The following ERLIN2 variants were observed in gnomAD, a reference collection of about 807,000 sequenced individuals.
ERLIN2 encodes ER lipid raft associated 2, also known as erlin-2.
A neutral mutation model predicts 41.5 loss-of-function variants in ERLIN2; 22 were observed. That is an observed-to-expected ratio of 0.53 (90% CI 0.38 to 0.76). ERLIN2 has a LOEUF of 0.76. Ranked by LOEUF, ERLIN2 falls within the 30% of genes least tolerant of loss-of-function variation. The pLI is 0.00. For synonymous variants in ERLIN2, 149 were observed against 150.9 expected, an observed-to-expected ratio of 0.99 and a Z score of 0.09; for missense variants, 247 against 414.3, an observed-to-expected ratio of 0.60 and a Z score of 3.51.
Position 37,744,671 on chromosome 8 carries a change from T to G in ERLIN2, c.399T>G (p.Leu133=), listed in dbSNP as rs1802975905. Reference sequence around the variant, plus strand: ...ACCAGTTCTGCAGTGTGCACACGCTTCAAGAGGTCTACATTGAGCTGTTTG... The same window carrying G: ...ACCAGTTCTGCAGTGTGCACACGCTGCAAGAGGTCTACATTGAGCTGTTTG... ...ELNQFCSVHT[L]QEVYIELFDQ... is the part of the protein sequence containing the mutation. Residue 133 remains leucine, a synonymous_variant, in exon 6 of 12, where the codon CTT becomes CTG. Coordinates refer to ENST00000519638, the MANE Select transcript of ERLIN2 (RefSeq NM_007175.8). The G allele has an allele frequency of 2.5e-6, 4 of 1,614,148 alleles. No homozygotes were observed. Among genetic ancestry groups the G allele is most frequent in the Non-Finnish European group, 3.4e-6 (4 of 1,180,014 alleles).
chr8:37,750,873 G>A (rs1045090109), intron 9 of ERLIN2, among the ~76,000 whole-genome samples: 6 of 151,840 alleles, frequency 4.0e-5, no homozygotes, highest in African/African-American at 9.7e-5. Flanking sequence ...AGCGGGTGCC[G>A]GCACGCCTGG....
rs771771399 is a variant in ERLIN2, at chr8:37,750,393, A to G, written c.558-2A>G. Reference sequence around the variant, plus strand: ...TGCCTCACGGCTTTTTCTTCTCTTCAGGGAAAGTGAGAAGACAAAGCTTCT... The same window carrying G: ...TGCCTCACGGCTTTTTCTTCTCTTCGGGGAAAGTGAGAAGACAAAGCTTCT... On this transcript the variant is annotated splice_acceptor_variant, in intron 8 of 11. Coordinates refer to ENST00000519638, the MANE Select transcript of ERLIN2 (RefSeq NM_007175.8). LOFTEE classifies it high-confidence loss of function. 6.2e-7 allele frequency: 1 copy of G among 1,611,856 alleles called. No individual in the cohort carries two copies. The highest frequency in any genetic ancestry group is 8.5e-7 in the Non-Finnish European group (1 of 1,178,568).
In ERLIN2 at chr8:37,754,230, T is replaced by G; in HGVS notation, c.*115T>G. On this transcript the variant is annotated 3_prime_UTR_variant, in exon 12 of 12. Coordinates refer to ENST00000519638, the MANE Select transcript of ERLIN2 (RefSeq NM_007175.8). The stretch of plus-strand genomic sequence containing the variant: ...TCTGACTGTCTTCCAGTTACTGTGG[T>G]GAAAAAGAAGAAATGAACTTAAATC... 4.7e-6 allele frequency: 4 copies of G among 846,706 alleles called. No homozygotes were observed. The highest frequency in any genetic ancestry group is 7.8e-6 in the Non-Finnish European group (4 of 509,952). The allele number at this position is 846,706 out of a possible 1,614,324, so 52.4% of individuals were successfully genotyped here. A position where few individuals can be genotyped will look rare whatever the true frequency, so the allele number is the denominator to read the frequency against.
chr8:37,751,595 A>T (rs746535648), intron 9 of ERLIN2, 31 bp from the exon 10 acceptor site: 1 of 1,569,934 alleles, frequency 6.4e-7, no homozygotes, highest in South Asian at 1.1e-5. Flanking sequence ...CTGAAATGCC[A>T]GAACCGTAAT....
intron 5 of ERLIN2, 73 bp downstream of exon 5, chr8:37,744,489 C>G (rs991894529): frequency 3.3e-5 from 53 of 1,609,872 alleles, no homozygotes; most frequent in Admixed American, 8.3e-5. Context: ...TGTTGTAGCA[C>G]CTTGGAAAAG....
chr8:37,749,907 C>T (rs540238423), intron 8 of ERLIN2, 55 bp downstream of exon 8: 24 of 1,478,122 alleles, frequency 1.6e-5, no homozygotes, highest in Non-Finnish European at 1.9e-5. Context: ...CCTCCCACCT[C>T]GTCCCATCCC....
chr8:37,752,476 G>C (rs978580225), intron 10 of ERLIN2, among the ~76,000 whole-genome samples: 3 of 152,192 alleles, frequency 2.0e-5, no homozygotes, highest in Non-Finnish European at 4.4e-5. Flanking sequence ...TCCTCATTAG[G>C]GAGCTCTTAG....
rs370273753 is a variant in ERLIN2 at position 37,740,450 on chromosome 8, T to C, written c.189+4T>C. The C allele has an allele frequency of 4.3e-6, 7 of 1,610,250 alleles. No homozygotes were observed. In the African/African-American group the frequency reaches 9.4e-5, roughly 22 times the overall value. On this transcript the variant is annotated splice_donor_region_variant and intron_variant, in intron 3 of 11. Transcript: ENST00000519638. ...CACATCATATAAGTCTGTGCAGGTA[T>C]GCTTGGCCTCTGTGGTATGGCTGGA... is the stretch of plus-strand genomic sequence containing the variant.
intron 6 of ERLIN2, chr8:37,747,798 A>C (rs937303637): frequency 6.8e-6 from 11 of 1,614,016 alleles, no homozygotes; most frequent in Non-Finnish European, 9.3e-6. Context: ...CTTCTGTGTT[A>C]CAAAACTTAT....
intron 6 of ERLIN2, chr8:37,746,230 T>TC: frequency 1.0e-6 from 1 of 985,810 alleles, no homozygotes. Context: ...ATACTTTCCT[T>TC]CTCTCAGGAC....
chr8:37,752,673 T>G (rs1803249707), intron 10 of ERLIN2, among the ~76,000 whole-genome samples: 2 of 152,184 alleles, frequency 1.3e-5, no homozygotes, highest in South Asian at 4.1e-4. Context: ...CTACATATAT[T>G]ACTCACATGA....
chr8:37,742,575 G>A lies in ERLIN2; in HGVS notation c.236+757G>A, dbSNP rs1188043893. On this transcript the variant is annotated intron_variant, in intron 4 of 11. Transcript: ENST00000519638. The stretch of plus-strand genomic sequence containing the variant: ...AGGAACAGAAAACCAAACACCACAT[G>A]TTCTCACTTATAAGTGGGAACTGAA... Among the ~76,000 whole-genome samples the A allele has an allele frequency of 2.6e-5, 4 of 152,206 alleles. No individual in the cohort carries two copies. The South Asian group carries it at 8.3e-4, about 32-fold the overall frequency.
chr8:37,737,731 G>A, intron 1 of ERLIN2, 177 bp from the exon 2 acceptor site: 1 of 665,826 alleles, frequency 1.5e-6, no homozygotes, highest in South Asian at 1.8e-5. Flanking sequence ...TTAAAGAAAG[G>A]GGAACGTTGA....
At chr8:37,742,300 A>G (rs1300256053) in intron 4 of ERLIN2, among the ~76,000 whole-genome samples, 3 of 151,478 alleles carry the variant, frequency 2.0e-5, no homozygotes, top group Non-Finnish European at 4.4e-5. Context: ...AAGATCACAC[A>G]ATTGCACTCC....
At chr8:37,740,315 G>C (rs1191547779) in intron 2 of ERLIN2, 50 bp from the exon 3 acceptor site, 2 of 1,307,294 alleles carry the variant, frequency 1.5e-6, no homozygotes, top group East Asian at 4.7e-5. Context: ...TGATCTAACA[G>C]AGCCTTCTTG....
chr8:37,739,683 CA>C (rs1802783253), intron 2 of ERLIN2, among the ~76,000 whole-genome samples: 1 of 152,114 alleles, frequency 6.6e-6, no homozygotes, highest in African/African-American at 2.4e-5. Flanking sequence ...CCATGTTGGC[CA>C]GGCTGGTCTT....
Position 37,736,638 on chromosome 8 carries a change from G to T in ERLIN2, c.-56G>T, listed in dbSNP as rs1275869936. ...GAGGGGTGTGACGGTTTTCTTGCTC[G>T]TGGGCTCGGACGAGTACGGAGCGCC... On this transcript the variant is annotated 5_prime_UTR_variant, in exon 1 of 12. Coordinates refer to ENST00000519638, the MANE Select transcript of ERLIN2 (RefSeq NM_007175.8). 8.2e-5 allele frequency: 81 copies of T among 986,084 alleles called. 2 individuals are homozygous for T. Among genetic ancestry groups the T allele is most frequent in the Non-Finnish European group, 8.7e-5 (72 of 830,260 alleles). The allele number at this position is 986,084 out of a possible 1,614,324, so 61.1% of individuals were successfully genotyped here.
Position 37,758,341 on chromosome 8 carries a change from T to C in ERLIN2, c.*4226T>C, listed in dbSNP as rs1374088087. 6.6e-6 allele frequency: 1 copy of C among 152,254 alleles called. No individual in the cohort carries two copies. Among genetic ancestry groups the C allele is most frequent in the African/African-American group, 2.4e-5 (1 of 41,472 alleles). 9.4% of individuals were successfully genotyped at this position (152,254 alleles called of 1,614,324 possible). A position where few individuals can be genotyped will look rare whatever the true frequency, so the allele number is the denominator to read the frequency against. ...AATCACTGCTCTACTACTTCTTAGG[T>C]GTGTGGTCTTGAATAAGTTTTTTGA... On this transcript the variant is annotated 3_prime_UTR_variant, in exon 12 of 12. Coordinates refer to ENST00000519638, the MANE Select transcript of ERLIN2 (RefSeq NM_007175.8).
chr8:37,751,471 C>T (rs1285592253), intron 9 of ERLIN2, among the ~76,000 whole-genome samples, 155 bp from the exon 10 acceptor site: 2 of 152,254 alleles, frequency 1.3e-5, no homozygotes, highest in Admixed American at 6.5e-5. Flanking sequence ...ACTGTGCTCA[C>T]TGGCATATCC....
Sources: allele counts gnomAD v4.1 joint callset (sites outside exome capture counted in the v4.1 genomes callset), GRCh38; gene constraint gnomAD v4.1.1; transcripts MANE v1.5; gene names NCBI Gene and HGNC (gene_info 2026-07-23, HGNC 2026-07-21).